Variants in RIT2 observed in about 807,000 individuals in gnomAD.
RIT2 encodes the protein Ras like without CAAX 2.
RIT2 carries 24 observed loss-of-function variants against 23.7 expected under a neutral mutation model. The ratio of observed to expected loss-of-function variants is 1.01; its 90% CI spans 0.73 to 1.43. The LOEUF (loss-of-function observed/expected upper bound fraction) is 1.43. Among genes scored for constraint, RIT2 ranks in the 40% most tolerant of loss-of-function variants. RIT2 has a pLI of 0.00. For synonymous variants in RIT2, 107 were observed against 91.1 expected (o/e 1.17, Z -0.99); for missense variants, 236 against 266.9 (o/e 0.88, Z 0.81).
chr18:42,950,519 C>T (rs1358526564), intron 3 of RIT2, among the ~76,000 whole-genome samples: 1 of 151,904 alleles, frequency 6.6e-6, no homozygotes, highest in Non-Finnish European at 1.5e-5. Flanking sequence ...AAAGCAATTG[C>T]AACTAAAACA....
intron 1 of RIT2, among the ~76,000 whole-genome samples, chr18:43,081,175 A>G (rs1353726949): frequency 6.6e-6 from 1 of 152,218 alleles, no homozygotes; most frequent in Non-Finnish European, 1.5e-5. Flanking sequence ...AAACACTAAT[A>G]AAAAGGCCTA....
chr18:42,907,602 A>G (rs1271598183), intron 4 of RIT2, among the ~76,000 whole-genome samples: 1 of 152,186 alleles, frequency 6.6e-6, no homozygotes, highest in Non-Finnish European at 1.5e-5. Flanking sequence ...CACTGGTACC[A>G]AAAACCAGAA....
intron 4 of RIT2, among the ~76,000 whole-genome samples, chr18:42,911,174 C>T (rs935118728): frequency 2.0e-5 from 3 of 151,744 alleles, no homozygotes; most frequent in African/African-American, 7.3e-5. Context: ...AAAATATACT[C>T]CTAAATAATG....
intron 1 of RIT2, among the ~76,000 whole-genome samples, chr18:43,034,510 CAT>C: frequency 6.6e-6 from 1 of 152,080 alleles, no homozygotes; most frequent in Admixed American, 6.6e-5. Context: ...AGTATTTCCT[CAT>C]GTGAATTTCC....
intron 1 of RIT2, among the ~76,000 whole-genome samples, chr18:43,084,429 T>C (rs1471523579): frequency 1.3e-5 from 2 of 152,160 alleles, no homozygotes; most frequent in Admixed American, 1.3e-4. Context: ...TAAAGACACA[T>C]GTACACGTAT....
intron 2 of RIT2, among the ~76,000 whole-genome samples, chr18:43,021,382 A>G (rs1394698619): frequency 6.6e-6 from 1 of 152,046 alleles, no homozygotes; most frequent in East Asian, 1.9e-4. Flanking sequence ...TGAAAAAATA[A>G]CAGATCCCGG....
At chr18:43,104,984 G>T (rs1013879699) in intron 1 of RIT2, among the ~76,000 whole-genome samples, 1 of 152,038 alleles carries the variant, frequency 6.6e-6, no homozygotes, top group Non-Finnish European at 1.5e-5. Context: ...ATTAATTTCA[G>T]TCTGGATTCA....
intron 4 of RIT2, among the ~76,000 whole-genome samples, chr18:42,748,455 A>G (rs1247707309): frequency 6.6e-6 from 1 of 152,018 alleles, no homozygotes; most frequent in East Asian, 1.9e-4. Flanking sequence ...GTTAGCATGG[A>G]TGTGGTTAAA....
At chr18:43,049,271 G>A (rs576458732) in intron 1 of RIT2, among the ~76,000 whole-genome samples, 10 of 152,194 alleles carry the variant, frequency 6.6e-5, no homozygotes, top group Non-Finnish European at 1.2e-4. Flanking sequence ...TTGATAGAAA[G>A]ATCATTGAGC....
intron 4 of RIT2, among the ~76,000 whole-genome samples, chr18:42,919,171 T>C (rs1452511231): frequency 3.3e-5 from 5 of 152,146 alleles, no homozygotes; most frequent in Admixed American, 2.0e-4. Context: ...TCTAAATAGA[T>C]ATTATGCTTT....
intron 4 of RIT2, among the ~76,000 whole-genome samples, chr18:42,765,104 A>C (rs1266284526): frequency 6.6e-6 from 1 of 152,244 alleles, no homozygotes; most frequent in Non-Finnish European, 1.5e-5. Context: ...CTTGGAATGC[A>C]TAATAAATAC....
At chr18:42,845,036 G>A (rs1205407356) in intron 4 of RIT2, among the ~76,000 whole-genome samples, 3 of 152,040 alleles carry the variant, frequency 2.0e-5, no homozygotes, top group African/African-American at 7.2e-5. Context: ...TAAGAATGAG[G>A]GCAAATGATG....
intron 4 of RIT2, among the ~76,000 whole-genome samples, chr18:42,894,717 A>G (rs1241752225): frequency 4.6e-5 from 7 of 152,240 alleles, no homozygotes; most frequent in Admixed American, 4.6e-4. Flanking sequence ...CAATTAATTT[A>G]TAATTAAAAT....
chr18:43,019,420 C>T (rs1234894421), intron 2 of RIT2, among the ~76,000 whole-genome samples: 1 of 151,400 alleles, frequency 6.6e-6, no homozygotes, highest in East Asian at 1.9e-4. Flanking sequence ...ACATTGACAG[C>T]ATAAAGGAGA....
intron 4 of RIT2, among the ~76,000 whole-genome samples, chr18:42,846,320 A>T (rs563448760): frequency 3.3e-5 from 5 of 152,132 alleles, no homozygotes; most frequent in African/African-American, 1.2e-4. Context: ...AAAGAAAAAA[A>T]TCAGAATAAT....
chr18:43,076,500 G>A (rs1304274172), intron 1 of RIT2, among the ~76,000 whole-genome samples: 1 of 152,084 alleles, frequency 6.6e-6, no homozygotes, highest in African/African-American at 2.4e-5. Flanking sequence ...ATGTTGTGTT[G>A]TGAGGAAAGA....
chr18:42,752,548 G>A (rs970661679), intron 4 of RIT2, among the ~76,000 whole-genome samples: 10 of 152,198 alleles, frequency 6.6e-5, no homozygotes, highest in African/African-American at 2.2e-4. Context: ...CTTCCATTAA[G>A]CACCGCTTCC....
chr18:43,046,033 G>T (rs2144300663), intron 1 of RIT2, among the ~76,000 whole-genome samples: 1 of 152,176 alleles, frequency 6.6e-6, no homozygotes, highest in African/African-American at 2.4e-5. Context: ...CAACATATGT[G>T]AAATGACATC....
chr18:42,802,687 A>G (rs1260067917), intron 4 of RIT2, among the ~76,000 whole-genome samples: 2 of 152,158 alleles, frequency 1.3e-5, no homozygotes, highest in Admixed American at 6.5e-5. Context: ...CACATATGAA[A>G]GTTTTCTTGC....
Sources: gnomAD v4.1 joint callset for allele counts (sites outside exome capture counted in the v4.1 genomes callset) on GRCh38, gnomAD v4.1.1 for gene constraint, MANE v1.5 for transcripts, NCBI Gene and HGNC (gene_info 2026-07-23, HGNC 2026-07-21) for gene names.